Variants in FAM83A observed in about 807,000 individuals in gnomAD.
The protein encoded by FAM83A is scaffolding CK1 anchoring protein A.
In FAM83A, 21 loss-of-function variants were observed where a neutral mutation model predicts 24.4. That is an observed-to-expected ratio of 0.86 (90% confidence interval 0.61 to 1.24). FAM83A has a LOEUF of 1.24. FAM83A is among the 50% of genes most tolerant of loss of function. The pLI, the probability that FAM83A is intolerant of heterozygous loss-of-function variation, is 0.00. For synonymous variants in FAM83A, 270 were observed against 252.4 expected (o/e 1.07, Z -0.66); for missense variants, 617 against 579.8 (o/e 1.06, Z -0.66).
At chr8:123,182,730 G>T in exon 1 of FAM83A, 1 of 1,403,122 alleles carries the variant, frequency 7.1e-7, no homozygotes. Context: ...CTGCACGCCG[G>T]TCCTGGGAGC....
chr8:123,184,782 CCT>C (rs1462505878), intron 1 of FAM83A, among the ~76,000 whole-genome samples: 1 of 152,198 alleles, frequency 6.6e-6, no homozygotes, highest in Non-Finnish European at 1.5e-5. Flanking sequence ...TCTGTAAAAT[CCT>C]CTCTGTCTCC....
exon 4 of FAM83A, chr8:123,207,535 C>A: frequency 6.4e-7 from 1 of 1,564,802 alleles, no homozygotes; most frequent in Non-Finnish European, 8.6e-7. Context: ...CCCAGGCCCA[C>A]CTCTCCCCGC....
intron 1 of FAM83A, among the ~76,000 whole-genome samples, chr8:123,183,972 A>G (rs1014769585): frequency 2.6e-5 from 4 of 152,162 alleles, no homozygotes; most frequent in African/African-American, 9.7e-5. Flanking sequence ...CTGGGATTAC[A>G]GGTGTGAGCC....
intron 2 of FAM83A, 141 bp from the exon 3 acceptor site, chr8:123,193,883 C>A: frequency 9.6e-7 from 1 of 1,040,528 alleles, no homozygotes; most frequent in Admixed American, 2.5e-5. Flanking sequence ...TCCCAAAGGC[C>A]CCACCTTCTA....
intron 3 of FAM83A, among the ~76,000 whole-genome samples, chr8:123,198,315 G>A (rs928985705): frequency 6.6e-6 from 1 of 152,116 alleles, no homozygotes; most frequent in African/African-American, 2.4e-5. Context: ...CATTGCACAC[G>A]ACCATGGGGC....
At chr8:123,207,268 T>C (rs1824586092) in exon 4 of FAM83A, 1 of 1,612,772 alleles carries the variant, frequency 6.2e-7, no homozygotes, top group South Asian at 1.1e-5. Flanking sequence ...CCTCCAAGCC[T>C]GTGATGGGCC....
At chr8:123,182,538 C>A (rs113019555), upstream of FAM83A, 6 of 549,168 alleles carry the variant, frequency 1.1e-5, no homozygotes, top group Admixed American at 2.2e-5. Flanking sequence ...TTCGCCTCCC[C>A]CTGCGGCTGG....
At position 123,194,293 on chromosome 8, in the gene FAM83A, T is replaced by C. The variant is rs568887458; in HGVS notation, c.773+145T>C. ...TGCCCGGAGCTGGAGCTGCATCACA[T>C]AGATGGGGTGAGAGGCAAGAAATGT... On this transcript the variant is annotated intron_variant, in intron 3 of 3. Coordinates refer to ENST00000690554, the Ensembl canonical transcript of FAM83A. 8.4e-6 allele frequency: 10 copies of C among 1,188,910 alleles called. No individual in the cohort carries two copies. In the African/African-American group the frequency reaches 1.2e-4, roughly 14 times the overall value. The allele number at this position is 1,188,910 out of a possible 1,614,324, so 73.6% of individuals were successfully genotyped here.
upstream of FAM83A, among the ~76,000 whole-genome samples, chr8:123,181,126 T>C (rs894807368): frequency 6.6e-6 from 1 of 152,098 alleles, no homozygotes; most frequent in African/African-American, 2.4e-5. Context: ...TTTGTATTTT[T>C]AGTAGCGACA....
chr8:123,193,964 G>T (rs2131079762), intron 2 of FAM83A, 60 bp from the exon 3 acceptor site: 1 of 1,602,852 alleles, frequency 6.2e-7, no homozygotes, highest in South Asian at 1.1e-5. Context: ...CCAGCCTAAA[G>T]CCCAAATGTA....
chr8:123,204,890 G>T (rs936247464), intron 3 of FAM83A, among the ~76,000 whole-genome samples: 2 of 152,146 alleles, frequency 1.3e-5, no homozygotes, highest in African/African-American at 4.8e-5. Context: ...GAGGCAAGTG[G>T]ATCACAAGGT....
rs750428582 is a variant in FAM83A, at chr8:123,209,675, G to T, written c.*1987G>T. ...TTTCCAAAGGCCTCAGCCTGTGCCT[G>T]TGTCGAGCTCAGTCCTGGGAGATAG... is the stretch of plus-strand genomic sequence containing the variant. On this transcript the variant is annotated 3_prime_UTR_variant, in exon 4 of 4. Transcript: ENST00000690554. The surrounding 1 kb of genome is among the most constrained non-coding windows in gnomAD (Gnocchi z 4.7). 1.9e-6 allele frequency: 2 copies of T among 1,068,344 alleles called. No individual in the cohort carries two copies. The highest frequency in any genetic ancestry group is 3.2e-5 in the African/African-American group (2 of 63,384). 66.2% of individuals were successfully genotyped at this position (1,068,344 alleles called of 1,614,324 possible).
At chr8:123,181,829 A>T (rs1182681640), upstream of FAM83A, 2 of 341,632 alleles carry the variant, frequency 5.9e-6, no homozygotes, top group African/African-American at 2.1e-5. Context: ...TGTACTTCTC[A>T]GAATGATCTT....
chr8:123,203,303 C>G (rs1335602041), intron 3 of FAM83A, among the ~76,000 whole-genome samples: 3 of 151,156 alleles, frequency 2.0e-5, no homozygotes, highest in East Asian at 1.9e-4. Flanking sequence ...TGAAAGACAT[C>G]TTGGCTGGGT....
chr8:123,200,689 C>T lies in FAM83A; in HGVS notation c.774-6468C>T, dbSNP rs530795867. Reference sequence around the variant, plus strand: ...AAAAATCAGGAGGGGCGCGATGGCTCACACCTGTAATCCCAGCACTTTGGG... The same window carrying T: ...AAAAATCAGGAGGGGCGCGATGGCTTACACCTGTAATCCCAGCACTTTGGG... On this transcript the variant is annotated intron_variant, in intron 3 of 3. Coordinates refer to ENST00000690554, the Ensembl canonical transcript of FAM83A. Among the ~76,000 whole-genome samples, 327 of 152,242 alleles carry T rather than the reference C, an allele frequency of 2.1e-3. 6 individuals carry two copies. Among genetic ancestry groups the T allele is most frequent in the Non-Finnish European group, 2.9e-4 (20 of 68,018 alleles).
At chr8:123,205,632 G>A (rs999261988) in intron 3 of FAM83A, among the ~76,000 whole-genome samples, 4 of 152,102 alleles carry the variant, frequency 2.6e-5, no homozygotes, top group Non-Finnish European at 4.4e-5. Flanking sequence ...TATCTTTGAC[G>A]GGCCCGTTTC....
intron 3 of FAM83A, among the ~76,000 whole-genome samples, chr8:123,196,803 C>T (rs1200565140): frequency 6.6e-5 from 10 of 152,206 alleles, no homozygotes; most frequent in Non-Finnish European, 4.4e-5. Context: ...ATCTCAGGCA[C>T]AGCCAAGGGC....
Position 123,209,506 on chromosome 8 carries a change from T to C in FAM83A, c.*1818T>C. 2.5e-6 allele frequency: 4 copies of C among 1,614,202 alleles called. No individual in the cohort carries two copies. The highest frequency in any genetic ancestry group is 3.4e-6 in the Non-Finnish European group (4 of 1,180,042). On this transcript the variant is annotated 3_prime_UTR_variant, in exon 4 of 4. Transcript: ENST00000690554. The surrounding 1 kb of genome is among the most constrained non-coding windows in gnomAD (Gnocchi z 4.7). ...CCTGATGGCTTTCTGAACCCAGCCC[T>C]GACCTTGTTGTTTCACAGCTGACGG...
chr8:123,182,676 G>A, exon 1 of FAM83A: 1 of 918,952 alleles, frequency 1.1e-6, no homozygotes, highest in Non-Finnish European at 1.7e-6. Context: ...GGAGTTCTGA[G>A]AAGCATTGCT....
Sources: gnomAD v4.1 joint callset for allele counts (sites outside exome capture counted in the v4.1 genomes callset) on GRCh38, gnomAD v4.1.1 for gene constraint, Gnocchi (gnomAD v3.1) non-coding constraint, MANE v1.5 for transcripts, NCBI Gene and HGNC (gene_info 2026-07-23, HGNC 2026-07-21) for gene names.